KCNMA1: variants seen among roughly 807,000 people sequenced by gnomAD.
KCNMA1 encodes Calcium-activated potassium channel subunit alpha-1.
A neutral mutation model predicts 140.0 loss-of-function variants in KCNMA1; 29 were observed. The observed-to-expected ratio is 0.21, with a 90% confidence interval of 0.15 to 0.28. The LOEUF (loss-of-function observed/expected upper bound fraction) is 0.28, where lower values mean the gene tolerates loss of function less well. Among genes scored for constraint, KCNMA1 ranks in the 10% least tolerant of loss-of-function variants. The pLI, the probability that KCNMA1 is intolerant of heterozygous loss-of-function variation, is 1.00. For synonymous variants in KCNMA1, 612 were observed against 611.9 expected (o/e 1.00, Z 0.00); for missense variants, 880 against 1,602.2 (o/e 0.55, Z 7.70).
At chr10:77,207,720 C>T (rs1330299222) in intron 3 of KCNMA1, among the ~76,000 whole-genome samples, 1 of 152,196 alleles carries the variant, frequency 6.6e-6, no homozygotes, top group African/African-American at 2.4e-5. Context: ...GGTTGTGTGG[C>T]CCTTCCTATA....
At chr10:77,192,376 T>C (rs192321916) in intron 3 of KCNMA1, among the ~76,000 whole-genome samples, 1 of 152,304 alleles carries the variant, frequency 6.6e-6, no homozygotes, top group African/African-American at 2.4e-5. Context: ...TCCTTTCCCA[T>C]CTTCATTCCA....
At chr10:77,080,426 T>G (rs2096535859) in intron 12 of KCNMA1, among the ~76,000 whole-genome samples, 1 of 152,154 alleles carries the variant, frequency 6.6e-6, no homozygotes, top group Non-Finnish European at 1.5e-5. Context: ...CTAAAAACCT[T>G]CATGGGCTAA....
At chr10:77,572,600 ATAT>A (rs2072014257) in intron 1 of KCNMA1, among the ~76,000 whole-genome samples, 11 of 112,342 alleles carry the variant, frequency 9.8e-5, no homozygotes, top group Middle Eastern at 3.7e-3. Flanking sequence ...ATATATATAT[ATAT>A]AAATTAGCTG....
At chr10:77,025,256 A>G (rs1224203775) in intron 16 of KCNMA1, among the ~76,000 whole-genome samples, 4 of 90,526 alleles carry the variant, frequency 4.4e-5, no homozygotes, top group Non-Finnish European at 8.9e-5. Context: ...ATATATATAT[A>G]TATATATATA....
At chr10:77,222,466 C>CCAT (rs1267195937) in intron 3 of KCNMA1, among the ~76,000 whole-genome samples, 1 of 152,204 alleles carries the variant, frequency 6.6e-6, no homozygotes, top group African/African-American at 2.4e-5. Flanking sequence ...AGTAAGGGCA[C>CCAT]TGAAATGACC....
At chr10:77,488,723 A>T (rs1172971865) in intron 1 of KCNMA1, among the ~76,000 whole-genome samples, 8 of 152,114 alleles carry the variant, frequency 5.3e-5, no homozygotes, top group Admixed American at 5.2e-4. Flanking sequence ...GGAAGGTACC[A>T]TGTCCAAGTG....
At chr10:77,488,335 C>A (rs1347382804) in intron 1 of KCNMA1, among the ~76,000 whole-genome samples, 1 of 152,178 alleles carries the variant, frequency 6.6e-6, no homozygotes, top group Non-Finnish European at 1.5e-5. Flanking sequence ...CTGGGAGCAA[C>A]AGCCTGGACC....
chr10:77,447,502 C>A (rs908256455), intron 1 of KCNMA1, among the ~76,000 whole-genome samples: 1 of 152,238 alleles, frequency 6.6e-6, no homozygotes, highest in East Asian at 1.9e-4. Context: ...TACTTGCTGA[C>A]GGAGCTCTTG....
chr10:77,198,749 C>T (rs1565162368), intron 3 of KCNMA1, among the ~76,000 whole-genome samples: 1 of 151,910 alleles, frequency 6.6e-6, no homozygotes, highest in East Asian at 1.9e-4. Flanking sequence ...ATTTTTCTTG[C>T]CTCTTCTGCC....
At chr10:77,172,749 T>C (rs150516257) in intron 5 of KCNMA1, among the ~76,000 whole-genome samples, 258 of 150,904 alleles carry the variant, frequency 1.7e-3, no homozygotes, top group African/African-American at 6.0e-3. Context: ...TGTCAGTCTA[T>C]ATGCGCTAAC....
intron 1 of KCNMA1, among the ~76,000 whole-genome samples, chr10:77,614,148 C>T (rs1336087425): frequency 1.3e-5 from 2 of 152,172 alleles, no homozygotes; most frequent in African/African-American, 4.8e-5. Context: ...AAATTAAATA[C>T]CCTGAGAGAG....
rs572700218 is a variant in KCNMA1, at chr10:77,011,412, G to A, written c.2092+555C>T. ...TGATGCTTGAGGTCGACCTTTGGAC[G>A]ATGGCAACTGAAGCCCTTTGGCAGT... On this transcript the variant is annotated intron_variant, in intron 18 of 27. Coordinates refer to ENST00000286628, the MANE Select transcript of KCNMA1 (RefSeq NM_001161352.2). 2.6e-5 allele frequency among the ~76,000 whole-genome samples: 4 copies of A among 152,286 alleles called. 1 individual carries two copies. Among genetic ancestry groups the A allele is most frequent in the South Asian group, 4.2e-4 (2 of 4,818 alleles).
intron 2 of KCNMA1, among the ~76,000 whole-genome samples, chr10:77,256,384 C>T (rs2060772017): frequency 6.6e-6 from 1 of 152,076 alleles, no homozygotes; most frequent in South Asian, 2.1e-4. Context: ...CCTCATCCCA[C>T]CCTAGGGCCA....
intron 18 of KCNMA1, among the ~76,000 whole-genome samples, chr10:77,007,653 G>GTATATATACATATATATA (rs2089409099): frequency 1.1e-5 from 1 of 88,482 alleles, no homozygotes; most frequent in Non-Finnish European, 2.3e-5. Context: ...TTGTGTGTGT[G>GTATATATACATATATATA]TATATATATA....
At chr10:77,199,282 T>C (rs1035826241) in intron 3 of KCNMA1, among the ~76,000 whole-genome samples, 5 of 152,254 alleles carry the variant, frequency 3.3e-5, no homozygotes, top group Non-Finnish European at 5.9e-5. Context: ...ACAGGCACTA[T>C]GCTGGTTTTG....
At chr10:77,585,777 T>C (rs2077110881) in intron 1 of KCNMA1, among the ~76,000 whole-genome samples, 2 of 152,172 alleles carry the variant, frequency 1.3e-5, no homozygotes, top group African/African-American at 4.8e-5. Context: ...GTTATACCCA[T>C]CCATATAGGT....
chr10:77,302,097 G>C (rs1175911028), intron 2 of KCNMA1, among the ~76,000 whole-genome samples: 1 of 152,034 alleles, frequency 6.6e-6, no homozygotes, highest in Admixed American at 6.5e-5. Flanking sequence ...CAGTAAGTGG[G>C]GAGACAGAGA....
At chr10:77,534,825 A>T (rs1207587217) in intron 1 of KCNMA1, among the ~76,000 whole-genome samples, 3 of 152,210 alleles carry the variant, frequency 2.0e-5, no homozygotes, top group African/African-American at 7.2e-5. Context: ...TCCAGCCTAC[A>T]ATCTATACCT....
chr10:77,088,428 T>TTTTTGTTTTGTTTTG (rs10638689), intron 10 of KCNMA1, among the ~76,000 whole-genome samples: 6 of 150,790 alleles, frequency 4.0e-5, no homozygotes, highest in Admixed American at 2.0e-4. Context: ...GAGCAGCCAG[T>TTTTTGTTTTGTTTTG]TTTTGTTTTG....
Sources: allele counts gnomAD v4.1 joint callset (sites outside exome capture counted in the v4.1 genomes callset), GRCh38; gene constraint gnomAD v4.1.1; transcripts MANE v1.5; gene names NCBI Gene and HGNC (gene_info 2026-07-23, HGNC 2026-07-21).